The following SLC4A7 variants were observed in gnomAD, a reference collection of about 807,000 sequenced individuals.
SLC4A7 encodes solute carrier family 4 member 7, also known as sodium bicarbonate cotransporter 3.
In SLC4A7, 51 loss-of-function variants were observed where a neutral mutation model predicts 137.6. The ratio of observed to expected loss-of-function variants is 0.37; its 90% CI spans 0.30 to 0.47. The LOEUF is 0.47. Ranked by LOEUF, SLC4A7 falls within the 20% of genes least tolerant of loss-of-function variation. The pLI is 1.00. For missense variants in SLC4A7, 1,247 were observed against 1,525.4 expected, an observed-to-expected ratio of 0.82 and a Z score of 3.04; for synonymous variants, 542 against 518.6, an observed-to-expected ratio of 1.05 and a Z score of -0.61.
rs1399237533 is a variant in SLC4A7, at chr3:27,373,254, T to C, written c.*3510A>G. On this transcript the variant is annotated 3_prime_UTR_variant, in exon 26 of 26. Coordinates refer to ENST00000454389, the MANE Select transcript of SLC4A7 (RefSeq NM_001321103.2). ...CTTTGGATGATTACATTTCCAACTA[T>C]GTTTTCCTATAATTGACATTTAATG... is the stretch of plus-strand genomic sequence containing the variant. 1.3e-5 allele frequency: 2 copies of C among 152,164 alleles called. No homozygotes were observed. The highest frequency in any genetic ancestry group is 4.8e-5 in the African/African-American group (2 of 41,458). 9.4% of individuals were successfully genotyped at this position (152,164 alleles called of 1,614,324 possible). A position where few individuals can be genotyped will look rare whatever the true frequency, so the allele number is the denominator to read the frequency against.
In SLC4A7 at chr3:27,421,623, T is replaced by C; in HGVS notation, c.1423A>G (p.Arg475Gly). Residue 475 changes from arginine to glycine, a missense_variant and splice_region_variant, in exon 9 of 26, where the codon AGG becomes GGG. Coordinates refer to ENST00000454389, the MANE Select transcript of SLC4A7 (RefSeq NM_001321103.2). ...TGTTACTTGGAACTAACTCTTTACC[T>C]GGTTGGAACAGGGACCTCAGTCAAC... ...TGLTEVPVPT[R>G]FLFLLLGPAG... 6.2e-7 allele frequency: 1 copy of C among 1,608,336 alleles called. No homozygotes were observed. Among genetic ancestry groups the C allele is most frequent in the Non-Finnish European group, 8.5e-7 (1 of 1,177,314 alleles).
At chr3:27,414,257 G>C (rs2054175572) in intron 11 of SLC4A7, among the ~76,000 whole-genome samples, 1 of 152,158 alleles carries the variant, frequency 6.6e-6, no homozygotes. Flanking sequence ...TCCAGCCTGG[G>C]TGGCAAGAGC....
intron 1 of SLC4A7, among the ~76,000 whole-genome samples, chr3:27,457,196 C>CCA (rs2058460065): frequency 6.6e-6 from 1 of 151,978 alleles, no homozygotes; most frequent in Admixed American, 6.5e-5. Flanking sequence ...ATATAAGTTA[C>CCA]CACATCAGGA....
At chr3:27,397,038 T>C (rs2052245374) in intron 18 of SLC4A7, among the ~76,000 whole-genome samples, 2 of 152,162 alleles carry the variant, frequency 1.3e-5, no homozygotes, top group African/African-American at 4.8e-5. Context: ...AGGTTACTTT[T>C]TTTTTTTGAG....
At chr3:27,463,022 C>T (rs1004601550) in intron 1 of SLC4A7, among the ~76,000 whole-genome samples, 15 of 152,250 alleles carry the variant, frequency 9.9e-5, no homozygotes, top group Admixed American at 3.9e-4. Context: ...GGCGCAGTGG[C>T]TCACGCCTGT....
At chr3:27,477,426 C>G (rs1310988768) in intron 1 of SLC4A7, among the ~76,000 whole-genome samples, 1 of 152,166 alleles carries the variant, frequency 6.6e-6, no homozygotes, top group African/African-American at 2.4e-5. Context: ...TTTTCAGGCC[C>G]TACCATTGGA....
At chr3:27,441,187 T>C (rs995452392) in intron 3 of SLC4A7, among the ~76,000 whole-genome samples, 87 of 152,342 alleles carry the variant, frequency 5.7e-4, no homozygotes, top group African/African-American at 2.1e-3. Context: ...CCATGATATA[T>C]TATCCTTTTT....
intron 23 of SLC4A7, among the ~76,000 whole-genome samples, chr3:27,385,086 AATAAAC>A (rs2050801825): frequency 6.6e-6 from 1 of 152,158 alleles, no homozygotes; most frequent in Non-Finnish European, 1.5e-5. Flanking sequence ...TTTGTTGAAA[AATAAAC>A]ATAAAATCAA....
At chr3:27,403,024 A>G in intron 15 of SLC4A7, 115 bp downstream of exon 15, 1 of 867,426 alleles carries the variant, frequency 1.2e-6, no homozygotes, top group South Asian at 1.9e-5. Context: ...TCACATGGCT[A>G]GTTAAGTAGT....
At position 27,447,561 on chromosome 3, in the gene SLC4A7, T is replaced by C. The variant is rs957075899; in HGVS notation, c.289+1090A>G. Among the ~76,000 whole-genome samples the C allele has an allele frequency of 5.3e-5, 8 of 151,534 alleles. No homozygotes were observed. In the East Asian group the frequency reaches 1.2e-3, roughly 22 times the overall value. ...AAAGCAAACACTAGGACCCATGATG[T>C]ACAGATGGCCTTATACTAATAATGC... is the stretch of plus-strand genomic sequence containing the variant. On this transcript the variant is annotated intron_variant, in intron 3 of 25. Transcript: ENST00000454389.
intron 10 of SLC4A7, among the ~76,000 whole-genome samples, chr3:27,419,547 G>A (rs1450211332): frequency 6.6e-6 from 1 of 151,148 alleles, no homozygotes; most frequent in Non-Finnish European, 1.5e-5. Flanking sequence ...CGTAGGCCAG[G>A]CTGGTCTCAA....
chr3:27,433,830 A>C (rs1463190537), intron 6 of SLC4A7, 86 bp downstream of exon 6: 1 of 1,190,206 alleles, frequency 8.4e-7, no homozygotes, highest in East Asian at 2.3e-5. Flanking sequence ...TGAGTGTTTA[A>C]ATATCCCCAA....
Position 27,395,072 on chromosome 3 carries a change from T to G in SLC4A7, c.2747A>C (p.Asp916Ala), listed in dbSNP as rs1221694036. Reference sequence around the variant, plus strand: ...TATTAATAAGGTCCACCAAGGATTATCTCCCAGTGGGCTTATGATCCACCC... The same window carrying G: ...TATTAATAAGGTCCACCAAGGATTAGCTCCCAGTGGGCTTATGATCCACCC... The part of the protein sequence containing the change: ...ERGWIISPLG[D>A]NPWWTLLIAA... The change falls in exon 19 of 26, where the codon GAT (aspartate) becomes GCT (alanine). Residue 916 changes from aspartate to alanine, a missense_variant. Asp to Ala is a moderately radical substitution (Grantham distance 126). Transcript: ENST00000454389. 1.2e-6 allele frequency: 2 copies of G among 1,610,604 alleles called. No homozygotes were observed. Among genetic ancestry groups the G allele is most frequent in the Non-Finnish European group, 1.7e-6 (2 of 1,178,942 alleles).
At chr3:27,386,311 T>C (rs2050946959) in intron 22 of SLC4A7, among the ~76,000 whole-genome samples, 1 of 144,556 alleles carries the variant, frequency 6.9e-6, no homozygotes, top group East Asian at 2.4e-4. Context: ...GGTTAAACAC[T>C]GAATATCAAA....
intron 3 of SLC4A7, among the ~76,000 whole-genome samples, chr3:27,446,533 T>G (rs2150500166): frequency 6.6e-6 from 1 of 152,280 alleles, no homozygotes; most frequent in Middle Eastern, 3.4e-3. Flanking sequence ...AACCACATAC[T>G]TAGGTGAACA....
At chr3:27,450,841 T>C (rs1450527780) in intron 2 of SLC4A7, among the ~76,000 whole-genome samples, 5 of 152,048 alleles carry the variant, frequency 3.3e-5, no homozygotes. Context: ...ACTCAAACTC[T>C]CTTAAACTTA....
At chr3:27,465,675 A>G (rs1184039999) in intron 1 of SLC4A7, among the ~76,000 whole-genome samples, 1 of 152,050 alleles carries the variant, frequency 6.6e-6, no homozygotes. Flanking sequence ...CTGTACAGGA[A>G]TTAGGCCGGC....
At chr3:27,442,731 C>T (rs1038626271) in intron 3 of SLC4A7, among the ~76,000 whole-genome samples, 6 of 152,006 alleles carry the variant, frequency 3.9e-5, no homozygotes, top group Admixed American at 2.0e-4. Context: ...AGATTAGGCA[C>T]GCGGACACTT....
chr3:27,451,471 A>C (rs2058071015), intron 2 of SLC4A7, among the ~76,000 whole-genome samples: 1 of 152,118 alleles, frequency 6.6e-6, no homozygotes, highest in Non-Finnish European at 1.5e-5. Flanking sequence ...TATGCTTCCC[A>C]AATAACCATA....
Sources: gnomAD v4.1 joint callset for allele counts (sites outside exome capture counted in the v4.1 genomes callset) on GRCh38, gnomAD v4.1.1 for gene constraint, MANE v1.5 for transcripts, NCBI Gene and HGNC (gene_info 2026-07-23, HGNC 2026-07-21) for gene names.